ADIPOR2: variants seen among roughly 807,000 people sequenced by gnomAD.
ADIPOR2 encodes the protein adiponectin receptor 2.
In ADIPOR2, 18 loss-of-function variants were observed where a neutral mutation model predicts 40.9. The observed-to-expected ratio is 0.44, with a 90% CI of 0.30 to 0.65. The LOEUF (loss-of-function observed/expected upper bound fraction) is 0.65. ADIPOR2 is among the 30% of genes least tolerant of loss of function. ADIPOR2 has a pLI of 0.09. For synonymous variants in ADIPOR2, 165 were observed against 166.4 expected (o/e 0.99, Z 0.06); for missense variants, 283 against 479.2 (o/e 0.59, Z 3.82).
intron 1 of ADIPOR2, among the ~76,000 whole-genome samples, chr12:1,748,301 T>C (rs954397178): frequency 4.6e-5 from 7 of 152,178 alleles, no homozygotes; most frequent in East Asian, 3.8e-4. Flanking sequence ...CAGGCTGGAG[T>C]GCAGTGGCGC....
intron 1 of ADIPOR2, among the ~76,000 whole-genome samples, chr12:1,741,475 G>C (rs1415951201): frequency 6.6e-6 from 1 of 152,190 alleles, no homozygotes; most frequent in African/African-American, 2.4e-5. Flanking sequence ...CAATAGTGTT[G>C]TGTAATACTG....
chr12:1,734,311 T>A (rs2094726189), intron 1 of ADIPOR2, among the ~76,000 whole-genome samples: 1 of 152,216 alleles, frequency 6.6e-6, no homozygotes, highest in African/African-American at 2.4e-5. Context: ...TTCTAACTGG[T>A]GTGAGATGGT....
At chr12:1,745,033 G>A (rs2094751897) in intron 1 of ADIPOR2, among the ~76,000 whole-genome samples, 1 of 152,126 alleles carries the variant, frequency 6.6e-6, no homozygotes, top group Non-Finnish European at 1.5e-5. Flanking sequence ...GAGCCAATCA[G>A]CACTGTTTGG....
In ADIPOR2 at chr12:1,754,343, C is replaced by A; in HGVS notation, c.-1C>A. Reference sequence around the variant, plus strand: ...ATTTGTAAGAAAGGCTTGGGTATCCCATGAACGAGCCAACAGAAAACCGAT... The same window carrying A: ...ATTTGTAAGAAAGGCTTGGGTATCCAATGAACGAGCCAACAGAAAACCGAT... On this transcript the variant is annotated 5_prime_UTR_variant, in exon 2 of 8. Transcript: ENST00000357103. 6.3e-7 allele frequency: 1 copy of A among 1,597,778 alleles called. No homozygotes were observed. The highest frequency in any genetic ancestry group is 8.5e-7 in the Non-Finnish European group (1 of 1,172,734).
Position 1,703,588 on chromosome 12 carries a change from T to G in ADIPOR2, c.-87+12397T>G, listed in dbSNP as rs550888568. Reference sequence around the variant, plus strand: ...TGTCTCTACAAAAAACTTAAAAAATTAGCCAAGTGTGGTAGTGTGTGCCGG... The same window carrying G: ...TGTCTCTACAAAAAACTTAAAAAATGAGCCAAGTGTGGTAGTGTGTGCCGG... On this transcript the variant is annotated intron_variant, in intron 1 of 7. Coordinates refer to ENST00000357103, the MANE Select transcript of ADIPOR2 (RefSeq NM_024551.3). 1.9e-4 allele frequency among the ~76,000 whole-genome samples: 29 copies of G among 151,992 alleles called. 1 individual carries two copies. In the South Asian group the frequency reaches 5.8e-3, roughly 31 times the overall value.
At chr12:1,738,209 C>CAAAAAA (rs56395738) in intron 1 of ADIPOR2, among the ~76,000 whole-genome samples, 1 of 85,610 alleles carries the variant, frequency 1.2e-5, no homozygotes, top group Non-Finnish European at 2.2e-5. Context: ...CCTGTCTCTA[C>CAAAAAA]AAAAAAAAAA....
chr12:1,763,551 TATATC>T (rs1862312854), intron 2 of ADIPOR2, among the ~76,000 whole-genome samples: 1 of 152,122 alleles, frequency 6.6e-6, no homozygotes, highest in African/African-American at 2.4e-5. Flanking sequence ...CTTCCTCTGT[TATATC>T]AAAAGGACAA....
intron 1 of ADIPOR2, among the ~76,000 whole-genome samples, chr12:1,702,703 A>G (rs954636171): frequency 2.6e-5 from 4 of 152,122 alleles, no homozygotes; most frequent in Non-Finnish European, 4.4e-5. Context: ...GTGAATTGCA[A>G]CTGTCTTTTC....
chr12:1,754,020 C>T (rs1862059659), intron 1 of ADIPOR2, among the ~76,000 whole-genome samples: 1 of 152,098 alleles, frequency 6.6e-6, no homozygotes, highest in Admixed American at 6.5e-5. Context: ...CTTACATATA[C>T]TTACATATTT....
intron 2 of ADIPOR2, chr12:1,757,241 C>A: frequency 1.8e-6 from 1 of 556,186 alleles, no homozygotes. Flanking sequence ...TCACCCACTG[C>A]TCTGTTTGGT....
At chr12:1,709,750 TATA>T (rs1333264516) in intron 1 of ADIPOR2, among the ~76,000 whole-genome samples, 1 of 152,174 alleles carries the variant, frequency 6.6e-6, no homozygotes, top group Non-Finnish European at 1.5e-5. Flanking sequence ...TTATATTAAA[TATA>T]ATATTTTAAA....
At chr12:1,710,333 C>A (rs1021978869) in intron 1 of ADIPOR2, among the ~76,000 whole-genome samples, 4 of 152,170 alleles carry the variant, frequency 2.6e-5, no homozygotes, top group Non-Finnish European at 5.9e-5. Flanking sequence ...GTCCGTGCCA[C>A]CTTTAAGAGC....
chr12:1,767,883 C>T (rs986126341), intron 2 of ADIPOR2, among the ~76,000 whole-genome samples: 1 of 152,100 alleles, frequency 6.6e-6, no homozygotes, highest in Admixed American at 6.5e-5. Flanking sequence ...CCCAGTTGAG[C>T]AATGATTAAG....
intron 1 of ADIPOR2, among the ~76,000 whole-genome samples, chr12:1,724,327 A>T (rs962317962): frequency 6.6e-6 from 1 of 152,188 alleles, no homozygotes; most frequent in South Asian, 2.1e-4. Context: ...AAATTCTGAC[A>T]TGCTACAACC....
At chr12:1,741,284 G>A (rs1301115801) in intron 1 of ADIPOR2, among the ~76,000 whole-genome samples, 1 of 151,998 alleles carries the variant, frequency 6.6e-6, no homozygotes, top group Non-Finnish European at 1.5e-5. Flanking sequence ...GGATAGGGAG[G>A]CCTGTTAGGG....
At chr12:1,719,157 T>G (rs2094693150) in intron 1 of ADIPOR2, among the ~76,000 whole-genome samples, 1 of 148,750 alleles carries the variant, frequency 6.7e-6, no homozygotes, top group Non-Finnish European at 1.5e-5. Flanking sequence ...GCTTTTTCAG[T>G]TTTTTTTTTG....
chr12:1,779,034 A>G (rs1255252061), intron 4 of ADIPOR2, among the ~76,000 whole-genome samples: 1 of 152,250 alleles, frequency 6.6e-6, no homozygotes, highest in Non-Finnish European at 1.5e-5. Flanking sequence ...ATGAAAAATA[A>G]CAAGTCTTGG....
At chr12:1,778,155 G>A (rs1197263961) in intron 4 of ADIPOR2, 130 bp downstream of exon 4, 5 of 1,111,092 alleles carry the variant, frequency 4.5e-6, no homozygotes, top group Non-Finnish European at 6.1e-6. Flanking sequence ...AATTTCTAAT[G>A]ATGAATTTTC....
At chr12:1,714,667 G>A (rs544056468) in intron 1 of ADIPOR2, among the ~76,000 whole-genome samples, 4 of 152,216 alleles carry the variant, frequency 2.6e-5, no homozygotes, top group African/African-American at 7.2e-5. Context: ...ACCCGGTGGG[G>A]ATCCACACTG....
Sources: gnomAD v4.1 joint callset for allele counts (sites outside exome capture counted in the v4.1 genomes callset) on GRCh38, gnomAD v4.1.1 for gene constraint, MANE v1.5 for transcripts, NCBI Gene and HGNC (gene_info 2026-07-23, HGNC 2026-07-21) for gene names.